Variants in PTAR1 observed in about 807,000 individuals in gnomAD.
PTAR1 encodes the protein protein prenyltransferase alpha subunit repeat containing 1.
In PTAR1, 17 loss-of-function variants were observed where a neutral mutation model predicts 45.5. The ratio of observed to expected loss-of-function variants is 0.37; its 90% CI spans 0.26 to 0.56. The LOEUF is 0.56. PTAR1 is among the 20% of genes least tolerant of loss of function. The probability of loss-of-function intolerance (pLI) is 0.77; values close to 1 mark genes in which losing one functional copy is unlikely to be tolerated. For synonymous variants in PTAR1, 169 were observed against 171.3 expected, an observed-to-expected ratio of 0.99 and a Z score of 0.11; for missense variants, 391 against 476.3, an observed-to-expected ratio of 0.82 and a Z score of 1.67.
intron 2 of PTAR1, among the ~76,000 whole-genome samples, chr9:69,744,919 AGAGGAT>A (rs1196326225): frequency 6.6e-6 from 1 of 152,182 alleles, no homozygotes; most frequent in Non-Finnish European, 1.5e-5. Flanking sequence ...AGGAGTGGTA[AGAGGAT>A]AGGCCTTCCT....
intron 4 of PTAR1, among the ~76,000 whole-genome samples, chr9:69,732,658 T>C (rs1228810421): frequency 6.6e-6 from 1 of 151,826 alleles, no homozygotes; most frequent in Admixed American, 6.6e-5. Flanking sequence ...GGCCAGGAAA[T>C]GTAAAGGCAA....
In PTAR1 at chr9:69,711,500, CAGA is replaced by C. The variant is rs1359481138; in HGVS notation, c.*6839_*6841del. The stretch of plus-strand genomic sequence containing the variant: ...GCCAAAGATGTTCTGAGAAAACAAG[CAGA>C]AGTTTATTGTAACTTCACATTTTAC... On this transcript the variant is annotated 3_prime_UTR_variant, in exon 8 of 8. Coordinates refer to ENST00000340434, the MANE Select transcript of PTAR1 (RefSeq NM_001099666.2). 3.3e-5 allele frequency: 5 copies of C among 152,114 alleles called. No individual in the cohort carries two copies. The highest frequency in any genetic ancestry group is 1.2e-4 in the African/African-American group (5 of 41,442). 9.4% of individuals were successfully genotyped at this position (152,114 alleles called of 1,614,324 possible). A position where few individuals can be genotyped will look rare whatever the true frequency, so the allele number is the denominator to read the frequency against.
chr9:69,729,085 A>G (rs1588454533), intron 5 of PTAR1, among the ~76,000 whole-genome samples: 1 of 152,122 alleles, frequency 6.6e-6, no homozygotes, highest in Admixed American at 6.6e-5. Flanking sequence ...TTTGGGAGGC[A>G]GAGGCAGGTG....
intron 2 of PTAR1, among the ~76,000 whole-genome samples, chr9:69,742,822 C>T (rs1826100900): frequency 6.6e-6 from 1 of 152,062 alleles, no homozygotes; most frequent in Non-Finnish European, 1.5e-5. Flanking sequence ...TCATTGTTTA[C>T]TACATATAGT....
chr9:69,754,084 T>C (rs1349550091), intron 1 of PTAR1, among the ~76,000 whole-genome samples: 1 of 150,706 alleles, frequency 6.6e-6, no homozygotes, highest in African/African-American at 2.5e-5. Context: ...TTTGTAAACA[T>C]AGGTAGGTCA....
chr9:69,750,901 G>C lies in PTAR1; in HGVS notation c.136C>G (p.Pro46Ala). The stretch of plus-strand genomic sequence containing the variant: ...AGTTTGTTTTCAACCAGGACTATGG[G>C]ACTCCGGTTATACCTAGCTTCAGGA... ...PCPEARYNRS[P>A]IVLVENKLGV... is the part of the protein sequence containing the mutation. The change falls in exon 2 of 8, where the codon CCC becomes GCC. Residue 46 changes from proline (P) to alanine (A), a missense_variant. Pro to Ala is a conservative substitution (Grantham distance 27). Transcript: ENST00000340434. 6.2e-7 allele frequency: 1 copy of C among 1,609,172 alleles called. No individual in the cohort carries two copies. Among genetic ancestry groups the C allele is most frequent in the Non-Finnish European group, 8.5e-7 (1 of 1,177,402 alleles).
intron 1 of PTAR1, 140 bp downstream of exon 1, chr9:69,759,713 G>A (rs946366587): frequency 2.6e-6 from 2 of 779,126 alleles, no homozygotes; most frequent in Non-Finnish European, 1.9e-6. Context: ...GGTCCCGCCC[G>A]ACACGGCTCT....
At position 69,715,585 on chromosome 9, in the gene PTAR1, T is replaced by A. The variant is rs897446285; in HGVS notation, c.*2757A>T. 2.0e-5 allele frequency: 3 copies of A among 152,088 alleles called. No individual in the cohort carries two copies. The highest frequency in any genetic ancestry group is 2.9e-5 in the Non-Finnish European group (2 of 67,988). 9.4% of individuals were successfully genotyped at this position (152,088 alleles called of 1,614,324 possible). A position where few individuals can be genotyped will look rare whatever the true frequency, so the allele number is the denominator to read the frequency against. ...GTAGGATGACCCACTGTTCTTCCAGTGAAAGTTTAATGAAATATGTGTCAA... is the reference window on the plus strand; with the variant it reads ...GTAGGATGACCCACTGTTCTTCCAGAGAAAGTTTAATGAAATATGTGTCAA... On this transcript the variant is annotated 3_prime_UTR_variant, in exon 8 of 8. Coordinates refer to ENST00000340434, the MANE Select transcript of PTAR1 (RefSeq NM_001099666.2).
intron 3 of PTAR1, chr9:69,741,384 A>C (rs1240003345): frequency 6.4e-6 from 1 of 155,572 alleles, no homozygotes; most frequent in Admixed American, 6.4e-5. Flanking sequence ...TCAGGGAAAA[A>C]GCCAGAGGCA....
chr9:69,759,154 G>A (rs1257004571), intron 1 of PTAR1, among the ~76,000 whole-genome samples: 1 of 152,184 alleles, frequency 6.6e-6, no homozygotes, highest in Non-Finnish European at 1.5e-5. Flanking sequence ...CCGTTAAAGA[G>A]GGCAGCAGTG....
intron 1 of PTAR1, chr9:69,758,080 TTAA>T (rs941310248): frequency 6.6e-6 from 1 of 152,188 alleles, no homozygotes; most frequent in Non-Finnish European, 1.5e-5. Flanking sequence ...TGAGGATATA[TTAA>T]TGAGGTTTTA....
chr9:69,731,460 G>T (rs1272999956), intron 5 of PTAR1, among the ~76,000 whole-genome samples: 1 of 152,146 alleles, frequency 6.6e-6, no homozygotes, highest in African/African-American at 2.4e-5. Flanking sequence ...TCATTCTGAT[G>T]AATAATAAGT....
chr9:69,725,601 A>C (rs1203250332), intron 5 of PTAR1, among the ~76,000 whole-genome samples: 14 of 151,442 alleles, frequency 9.2e-5, no homozygotes, highest in Admixed American at 8.6e-4. Flanking sequence ...AAAAAGAAAA[A>C]AAATATATAT....
intron 3 of PTAR1, among the ~76,000 whole-genome samples, chr9:69,741,045 T>C (rs1489264714): frequency 6.6e-6 from 1 of 152,174 alleles, no homozygotes; most frequent in African/African-American, 2.4e-5. Flanking sequence ...ATGTGGCTAA[T>C]GGCTACTGTA....
Position 69,715,942 on chromosome 9 carries a change from G to C in PTAR1, c.*2400C>G, listed in dbSNP as rs972946182. 2 of 152,136 alleles carry C rather than the reference G, an allele frequency of 1.3e-5. 1 individual carries two copies. Among genetic ancestry groups the C allele is most frequent in the South Asian group, 4.1e-4 (2 of 4,828 alleles). 9.4% of individuals were successfully genotyped at this position (152,136 alleles called of 1,614,324 possible). A position where few individuals can be genotyped will look rare whatever the true frequency, so the allele number is the denominator to read the frequency against. The stretch of plus-strand genomic sequence containing the variant: ...AGGAAACAAGACATATTAAAGGACT[G>C]TGCGGCTTCAGAAAAGAGTGGGTTA... On this transcript the variant is annotated 3_prime_UTR_variant, in exon 8 of 8. Transcript: ENST00000340434.
chr9:69,719,954 C>T (rs1488146015), intron 6 of PTAR1, among the ~76,000 whole-genome samples: 1 of 152,164 alleles, frequency 6.6e-6, no homozygotes, highest in Non-Finnish European at 1.5e-5. Context: ...GATTGCTCCA[C>T]CAACCAGCTC....
intron 5 of PTAR1, among the ~76,000 whole-genome samples, chr9:69,730,447 G>A (rs968955011): frequency 6.6e-6 from 1 of 150,730 alleles, no homozygotes; most frequent in African/African-American, 2.4e-5. Flanking sequence ...CCTGGACTCC[G>A]CCTTCCTTTT....
At position 69,711,673 on chromosome 9, in the gene PTAR1, T is replaced by A. The variant is rs1824530323; in HGVS notation, c.*6669A>T. 1 of 152,208 alleles carries A rather than the reference T, an allele frequency of 6.6e-6. No individual in the cohort carries two copies. Among genetic ancestry groups the A allele is most frequent in the Non-Finnish European group, 1.5e-5 (1 of 68,034 alleles). 9.4% of individuals were successfully genotyped at this position (152,208 alleles called of 1,614,324 possible). On this transcript the variant is annotated 3_prime_UTR_variant, in exon 8 of 8. Coordinates refer to ENST00000340434, the MANE Select transcript of PTAR1 (RefSeq NM_001099666.2). ...TCTCTAGAGTTCAGCCAGCTGCTTA[T>A]TAAGACATTTAATTACATTTATTAA...
chr9:69,750,017 C>T (rs1427087788), intron 2 of PTAR1, among the ~76,000 whole-genome samples: 2 of 151,904 alleles, frequency 1.3e-5, no homozygotes, highest in African/African-American at 4.8e-5. Context: ...AGAAGCTTTA[C>T]AAAAACAGTA....
Sources: gnomAD v4.1 joint callset for allele counts (sites outside exome capture counted in the v4.1 genomes callset) on GRCh38, gnomAD v4.1.1 for gene constraint, MANE v1.5 for transcripts, NCBI Gene and HGNC (gene_info 2026-07-23, HGNC 2026-07-21) for gene names.